Variants in BRF1 observed in about 807,000 individuals in gnomAD.
The protein encoded by BRF1 is transcription factor IIIB 90 kDa subunit.
A neutral mutation model predicts 81.7 loss-of-function variants in BRF1; 59 were observed. That is an observed-to-expected ratio of 0.72 (90% confidence interval 0.59 to 0.90). The LOEUF is 0.90. Among genes scored for constraint, BRF1 ranks in the 40% least tolerant of loss-of-function variants. BRF1 has a pLI of 0.00. For synonymous variants in BRF1, 491 were observed against 395.6 expected (o/e 1.24, Z -2.86); for missense variants, 1,050 against 936.3 (o/e 1.12, Z -1.58).
chr14:105,307,199 C>T lies in BRF1; in HGVS notation c.-162+8123G>A, dbSNP rs116565256. ...TACTGAGATCCCAGGCTTGAGCCAC[C>T]GTGCAGGCTGAGCATACCTTTGATA... On this transcript the variant is annotated intron_variant, in intron 1 of 17. Transcript: ENST00000327359. Among the ~76,000 whole-genome samples the T allele has an allele frequency of 7.0e-3, 1,063 of 152,128 alleles. 11 individuals carry two copies. Among genetic ancestry groups the T allele is most frequent in the African/African-American group, 0.024 (992 of 41,490 alleles).
chr14:105,229,209 C>G (rs985131909), intron 6 of BRF1, among the ~76,000 whole-genome samples: 1 of 152,224 alleles, frequency 6.6e-6, no homozygotes, highest in African/African-American at 2.4e-5. Flanking sequence ...TCTAAGATGA[C>G]TGTGCGGGAA....
At position 105,209,988 on chromosome 14, in the gene BRF1, A is replaced by C; in HGVS notation, c.*563T>G. On this transcript the variant is annotated 3_prime_UTR_variant, in exon 18 of 18. Transcript: ENST00000547530. ...TATCTGGATGCAGGGCCACAGCTGGAGGCAGAGGACCTTCAAGGAGCTGCT... is the reference window on the plus strand; with the variant it reads ...TATCTGGATGCAGGGCCACAGCTGGCGGCAGAGGACCTTCAAGGAGCTGCT... The C allele has an allele frequency of 7.2e-6, 2 of 279,488 alleles. No individual in the cohort carries two copies. Among genetic ancestry groups the C allele is most frequent in the Non-Finnish European group, 1.3e-5 (2 of 149,290 alleles). 17.3% of individuals were successfully genotyped at this position (279,488 alleles called of 1,614,324 possible).
At position 105,284,277 on chromosome 14, in the gene BRF1, C is replaced by T. The variant is rs906452061; in HGVS notation, c.265+2019G>A. 3.3e-5 allele frequency among the ~76,000 whole-genome samples: 5 copies of T among 152,098 alleles called. No individual in the cohort carries two copies. Among genetic ancestry groups the T allele is most frequent in the African/African-American group, 7.2e-5 (3 of 41,410 alleles). ...TCACACCGGCAGTCAGGAAGAAAGG[C>T]GCTGACTATACTCCTCTACTAGTAA... On this transcript the variant is annotated intron_variant, in intron 2 of 17. Transcript: ENST00000547530. This position sits in a 1 kb window ranked among gnomAD's most constrained non-coding sequence, Gnocchi z 4.0.
intron 2 of BRF1, among the ~76,000 whole-genome samples, chr14:105,285,368 G>T (rs2057278097): frequency 6.6e-6 from 1 of 152,228 alleles, no homozygotes; most frequent in African/African-American, 2.4e-5. Flanking sequence ...TAGGTTTACG[G>T]TCAATCGATT....
intron 6 of BRF1, among the ~76,000 whole-genome samples, chr14:105,240,890 C>T (rs1383182501): frequency 6.6e-5 from 10 of 150,886 alleles, no homozygotes; most frequent in Non-Finnish European, 1.5e-4. Flanking sequence ...CCCTGTGGCA[C>T]CCTCAGGAGC....
chr14:105,221,785 G>C lies in BRF1; in HGVS notation c.1178C>G (p.Ser393Trp), dbSNP rs368792547. 4.8e-5 allele frequency: 77 copies of C among 1,611,688 alleles called. No individual in the cohort carries two copies. The highest frequency in any genetic ancestry group is 6.3e-5 in the Non-Finnish European group (74 of 1,179,724). Residue 393 changes from serine to tryptophan, a missense_variant, in exon 11 of 18, where the codon TCG becomes TGG. By Grantham distance (177) the Ser-to-Trp change is radical (BLOSUM62 -3). Coordinates refer to ENST00000547530, the MANE Select transcript of BRF1 (RefSeq NM_001519.4). Reference protein sequence around the residue: ...RELLGGAPGSSEAAGSPEWGG... With the variant: ...RELLGGAPGSWEAAGSPEWGG... ...CCACTCGGGGCTTCCTGCTGCTTCC[G>C]AGCTGCCGGGGGCACCACCAAGGAG... is the stretch of plus-strand genomic sequence containing the variant.
At chr14:105,247,673 T>G in intron 5 of BRF1, 6 of 985,212 alleles carry the variant, frequency 6.1e-6, no homozygotes, top group Non-Finnish European at 7.2e-6. Context: ...CTGCGTCCTG[T>G]GGGGTTTCCT....
intron 1 of BRF1, among the ~76,000 whole-genome samples, chr14:105,306,395 C>T (rs1447719037): frequency 2.6e-5 from 4 of 152,134 alleles, no homozygotes; most frequent in African/African-American, 4.8e-5. Flanking sequence ...CCTCTGCCTC[C>T]CAGGTTCAAG....
rs936171588 is a variant in BRF1 at position 105,271,342 on chromosome 14, A to C, written c.439+1379T>G. ...GTGGAGATTAGAGGCAAGGAGCTGAAGCCCCGCAGCTGCACAGCAAGGGCC... is the reference window on the plus strand; with the variant it reads ...GTGGAGATTAGAGGCAAGGAGCTGACGCCCCGCAGCTGCACAGCAAGGGCC... On this transcript the variant is annotated intron_variant, in intron 3 of 17. Transcript: ENST00000547530. The surrounding 1 kb of genome is among the most constrained non-coding windows in gnomAD (Gnocchi z 5.5). 2.0e-5 allele frequency among the ~76,000 whole-genome samples: 3 copies of C among 152,242 alleles called. No homozygotes were observed. Among genetic ancestry groups the C allele is most frequent in the African/African-American group, 7.2e-5 (3 of 41,476 alleles).
In BRF1 at chr14:105,249,570, C is replaced by T. The variant is rs587662170; in HGVS notation, c.544+2937G>A. ...GGAAGCACACAGGAGCTGATGGACT[C>T]CTCTCCCAGGCCCAGCCCCGCGATG... On this transcript the variant is annotated intron_variant, in intron 5 of 17. Transcript: ENST00000547530. 7 of 1,587,064 alleles carry T rather than the reference C, an allele frequency of 4.4e-6. No individual in the cohort carries two copies. In the East Asian group the frequency reaches 1.1e-4, roughly 25 times the overall value.
intron 4 of BRF1, among the ~76,000 whole-genome samples, chr14:105,255,932 G>T (rs1353674206): frequency 6.6e-6 from 1 of 152,088 alleles, no homozygotes; most frequent in Non-Finnish European, 1.5e-5. Flanking sequence ...TTCAAGAGCA[G>T]CCTGGGCAAC....
chr14:105,308,675 G>T (rs1270568160), intron 1 of BRF1, among the ~76,000 whole-genome samples: 3 of 151,768 alleles, frequency 2.0e-5, no homozygotes, highest in African/African-American at 4.8e-5. Context: ...TAGAGACAGG[G>T]TTTCACCATG....
intron 12 of BRF1, chr14:105,219,573 C>T: frequency 2.1e-6 from 1 of 474,468 alleles, no homozygotes; most frequent in Non-Finnish European, 3.8e-6. Context: ...CACTCAGGTA[C>T]AGATGGGCCA....
intron 15 of BRF1, among the ~76,000 whole-genome samples, chr14:105,215,816 C>A (rs1032560265): frequency 2.0e-5 from 3 of 146,754 alleles, no homozygotes; most frequent in African/African-American, 7.7e-5. Context: ...TACACAGGCA[C>A]ACACACATGC....
At chr14:105,266,295 C>T (rs1467338109) in intron 3 of BRF1, among the ~76,000 whole-genome samples, 1 of 152,102 alleles carries the variant, frequency 6.6e-6, no homozygotes, top group Non-Finnish European at 1.5e-5. Flanking sequence ...CACCTATGGT[C>T]CCGGCTACTC....
At position 105,228,800 on chromosome 14, in the gene BRF1, C is replaced by A. The variant is rs769138403; in HGVS notation, c.788+20G>T. On this transcript the variant is annotated intron_variant, in intron 7 of 17. Coordinates refer to ENST00000547530, the MANE Select transcript of BRF1 (RefSeq NM_001519.4). ...TGAAGCCTCTGTGTGGTCCCCATGC[C>A]ATGAATGAGAGCCCCTCACCTCTTC... The A allele has an allele frequency of 1.2e-6, 2 of 1,613,352 alleles. No homozygotes were observed. The highest frequency in any genetic ancestry group is 2.2e-5 in the East Asian group (1 of 44,876).
chr14:105,305,426 G>GA (rs142914488), upstream of BRF1, among the ~76,000 whole-genome samples: 5,954 of 152,050 alleles, frequency 0.039, 426 homozygotes, highest in African/African-American at 0.13. Context: ...CAAGAAAAAA[G>GA]AAAAAACGTG....
intron 1 of BRF1, among the ~76,000 whole-genome samples, chr14:105,310,315 G>A (rs1158311484): frequency 2.0e-5 from 3 of 151,162 alleles, no homozygotes; most frequent in East Asian, 2.0e-4. Context: ...CGGATCATGA[G>A]GTCAGGAGAT....
intron 5 of BRF1, among the ~76,000 whole-genome samples, chr14:105,242,889 G>T (rs189799867): frequency 6.6e-6 from 1 of 152,320 alleles, no homozygotes; most frequent in South Asian, 2.1e-4. Context: ...ATTAGGGCGG[G>T]TGGATGACCT....
Sources: allele counts gnomAD v4.1 joint callset (sites outside exome capture counted in the v4.1 genomes callset), GRCh38; gene constraint gnomAD v4.1.1; non-coding constraint Gnocchi (gnomAD v3.1); transcripts MANE v1.5; gene names NCBI Gene and HGNC (gene_info 2026-07-23, HGNC 2026-07-21).